GPC5: variants seen among roughly 807,000 people sequenced by gnomAD.
GPC5 encodes the protein glypican-5.
Under a neutral mutation model 53.9 loss-of-function variants are expected in GPC5, and 47 were observed. The ratio of observed to expected loss-of-function variants is 0.87; its 90% CI spans 0.69 to 1.11. The LOEUF is 1.11. Ranked by LOEUF, GPC5 falls within the 50% of genes most tolerant of loss-of-function variation. The pLI is 0.00. For synonymous variants in GPC5, 286 were observed against 263.3 expected (o/e 1.09, Z -0.84); for missense variants, 748 against 713.1 (o/e 1.05, Z -0.56).
chr13:92,169,637 CTT>C (rs2042055357), intron 7 of GPC5, among the ~76,000 whole-genome samples: 1 of 152,046 alleles, frequency 6.6e-6, no homozygotes, highest in Non-Finnish European at 1.5e-5. Flanking sequence ...TAAAAATAAA[CTT>C]TATATGATAA....
intron 7 of GPC5, among the ~76,000 whole-genome samples, chr13:92,315,615 G>A (rs2043173927): frequency 6.6e-6 from 1 of 152,098 alleles, no homozygotes. Context: ...AAAACTTAAG[G>A]ATGAAGGAAT....
chr13:92,082,305 T>C (rs1437784998), intron 6 of GPC5, among the ~76,000 whole-genome samples: 1 of 152,106 alleles, frequency 6.6e-6, no homozygotes, highest in East Asian at 1.9e-4. Context: ...TTAAAAGAAG[T>C]AGGGCACAAC....
intron 7 of GPC5, among the ~76,000 whole-genome samples, chr13:92,489,684 T>C (rs972273089): frequency 6.6e-6 from 1 of 152,132 alleles, no homozygotes; most frequent in Non-Finnish European, 1.5e-5. Flanking sequence ...ATTAATTTAC[T>C]TTCTCCACAT....
At chr13:91,712,843 G>GA (rs200192104) in intron 3 of GPC5, among the ~76,000 whole-genome samples, 27 of 144,690 alleles carry the variant, frequency 1.9e-4, no homozygotes, top group Admixed American at 5.5e-4. Flanking sequence ...TAAGCCTGTT[G>GA]AAAAAAAAAA....
chr13:91,504,791 T>TA (rs59426149), intron 2 of GPC5, among the ~76,000 whole-genome samples: 3,061 of 148,628 alleles, frequency 0.021, 89 homozygotes, highest in African/African-American at 0.07. Context: ...GACCCATCTC[T>TA]AAAAAAAAAA....
intron 6 of GPC5, among the ~76,000 whole-genome samples, chr13:91,988,319 A>G (rs2040427193): frequency 6.6e-6 from 1 of 152,182 alleles, no homozygotes; most frequent in Non-Finnish European, 1.5e-5. Flanking sequence ...GGAGACACAG[A>G]GAGAGAATTC....
chr13:91,566,915 TA>T (rs1260137383), intron 2 of GPC5, among the ~76,000 whole-genome samples: 1 of 149,046 alleles, frequency 6.7e-6, no homozygotes, highest in Non-Finnish European at 1.5e-5. Flanking sequence ...CAAAATTAAT[TA>T]TTTTTCTTCC....
intron 7 of GPC5, among the ~76,000 whole-genome samples, chr13:92,167,370 G>C (rs1268174081): frequency 6.6e-6 from 1 of 152,078 alleles, no homozygotes; most frequent in Non-Finnish European, 1.5e-5. Flanking sequence ...GAAGGAATAA[G>C]CTCAGTTTGC....
intron 7 of GPC5, among the ~76,000 whole-genome samples, chr13:92,293,638 A>G (rs1276707623): frequency 3.3e-5 from 5 of 151,962 alleles, no homozygotes; most frequent in Non-Finnish European, 7.4e-5. Context: ...TATTGTCAGC[A>G]AACAGCGACA....
At position 91,399,085 on chromosome 13, in the gene GPC5, C is replaced by T. The variant is rs1876704156; in HGVS notation, c.39C>T (p.Leu13=). 2 of 1,589,918 alleles carry T rather than the reference C, an allele frequency of 1.3e-6. No homozygotes were observed. Among genetic ancestry groups the T allele is most frequent in the Admixed American group, 1.8e-5 (1 of 56,438 alleles). The change falls in exon 1 of 8, where the codon CTC becomes CTT. Residue 13 remains leucine, a synonymous_variant. Transcript: ENST00000377067. ...AQTWPVGFRC[L]LLLALVGSAR... is the part of the protein sequence containing the mutation. ...CCTGGCCCGTGGGCTTTCGCTGCCT[C>T]CTCCTTCTGGCCCTGGTTGGGTCCG...
intron 7 of GPC5, among the ~76,000 whole-genome samples, chr13:92,247,735 T>C (rs2042663216): frequency 6.6e-6 from 1 of 152,134 alleles, no homozygotes; most frequent in African/African-American, 2.4e-5. Context: ...TTTCATCCTA[T>C]GTTTAACTAC....
intron 6 of GPC5, among the ~76,000 whole-genome samples, chr13:92,088,204 G>A (rs1000552446): frequency 1.1e-4 from 16 of 152,012 alleles, no homozygotes; most frequent in Non-Finnish European, 1.5e-4. Flanking sequence ...CTACTCTACC[G>A]AAGCTGCTCT....
At chr13:92,159,827 C>T (rs2041973954) in intron 7 of GPC5, among the ~76,000 whole-genome samples, 1 of 151,830 alleles carries the variant, frequency 6.6e-6, no homozygotes, top group East Asian at 2.0e-4. Flanking sequence ...TAGTCTCGAT[C>T]TCCTGACCTC....
rs1385941807 is a variant in GPC5, at chr13:92,527,169, AAAG to A, written c.1562-339111_1562-339109del. Among the ~76,000 whole-genome samples, 58 of 127,322 alleles carry A rather than the reference AAAG, an allele frequency of 4.6e-4. 3 individuals carry two copies. Among genetic ancestry groups the A allele is most frequent in the African/African-American group, 1.5e-3 (50 of 33,524 alleles). The allele number at this position is 127,322 out of a possible 152,430, so 83.5% of individuals were successfully genotyped here. On this transcript the variant is annotated intron_variant, in intron 7 of 7. Coordinates refer to ENST00000377067, the MANE Select transcript of GPC5 (RefSeq NM_004466.6). Reference sequence around the variant, plus strand: ...GAAAGAAAGAAAGAAAGAAAGAAAGAAAGAGAAAGAAAGAAGAAAGAAAGAAAG... The same window carrying A: ...GAAAGAAAGAAAGAAAGAAAGAAAGAAGAAAGAAAGAAGAAAGAAAGAAAG...
rs751389644 is a variant in GPC5 at position 92,420,388 on chromosome 13, T to A, written c.1561+275399T>A. On this transcript the variant is annotated intron_variant, in intron 7 of 7. Coordinates refer to ENST00000377067, the MANE Select transcript of GPC5 (RefSeq NM_004466.6). Reference sequence around the variant, plus strand: ...TTTTTGTGGATACATAGTAGGTGTATATATTTACATGGTACATGCTTTGTA... The same window carrying A: ...TTTTTGTGGATACATAGTAGGTGTAAATATTTACATGGTACATGCTTTGTA... Among the ~76,000 whole-genome samples, 124 of 152,258 alleles carry A rather than the reference T, an allele frequency of 8.1e-4. 1 individual carries two copies. Among genetic ancestry groups the A allele is most frequent in the Non-Finnish European group, 1.1e-3 (77 of 68,010 alleles).
intron 6 of GPC5, among the ~76,000 whole-genome samples, chr13:91,921,054 A>G (rs989532196): frequency 1.8e-4 from 26 of 147,334 alleles, no homozygotes; most frequent in African/African-American, 6.0e-4. Flanking sequence ...CTTAAGCCTC[A>G]GCCTCCCCAG....
chr13:92,681,477 C>T (rs1192789891), intron 7 of GPC5, among the ~76,000 whole-genome samples: 1 of 152,064 alleles, frequency 6.6e-6, no homozygotes, highest in Admixed American at 6.6e-5. Context: ...CTGGCCTCCA[C>T]CACAGCTCCT....
intron 7 of GPC5, among the ~76,000 whole-genome samples, chr13:92,570,817 G>T (rs1302058648): frequency 6.6e-6 from 1 of 151,830 alleles, no homozygotes; most frequent in African/African-American, 2.4e-5. Context: ...TATTTTTATG[G>T]CACCTTTACA....
In GPC5 at chr13:92,818,634, C is replaced by T. The variant is rs183452419; in HGVS notation, c.1562-47648C>T. ...TCCTTTTTTGCAAAATGTCTGGCTC[C>T]GATATTCTTTAATCAGATGGACTCA... On this transcript the variant is annotated intron_variant, in intron 7 of 7. Coordinates refer to ENST00000377067, the MANE Select transcript of GPC5 (RefSeq NM_004466.6). Among the ~76,000 whole-genome samples the T allele has an allele frequency of 2.4e-4, 37 of 151,858 alleles. 1 individual carries two copies. The highest frequency in any genetic ancestry group is 8.0e-4 in the African/African-American group (33 of 41,294).
Sources: gnomAD v4.1 joint callset for allele counts (sites outside exome capture counted in the v4.1 genomes callset) on GRCh38, gnomAD v4.1.1 for gene constraint, MANE v1.5 for transcripts, NCBI Gene and HGNC (gene_info 2026-07-23, HGNC 2026-07-21) for gene names.